FRMPD1: variants seen among roughly 807,000 people sequenced by gnomAD.
The protein encoded by FRMPD1 is FERM and PDZ domain-containing protein 1.
A neutral mutation model predicts 117.8 loss-of-function variants in FRMPD1; 76 were observed. The observed-to-expected ratio is 0.65, with a 90% CI of 0.54 to 0.78. The LOEUF is 0.78. FRMPD1 is among the 30% of genes least tolerant of loss of function. The pLI is 0.00. For missense variants in FRMPD1, 1,786 were observed against 1,964.5 expected (o/e 0.91, Z 1.72); for synonymous variants, 783 against 770.4 (o/e 1.02, Z -0.27).
chr9:37,613,264 C>T, the FRMPD1 span, among the ~76,000 whole-genome samples: 15,560 of 152,148 alleles, frequency 0.1, 919 homozygotes, highest in Middle Eastern at 0.15. Context: ...ATATACTGAG[C>T]ACCTACTATG....
At chr9:37,731,386 C>A (rs1823873714) in intron 9 of FRMPD1, among the ~76,000 whole-genome samples, 1 of 152,040 alleles carries the variant, frequency 6.6e-6, no homozygotes, top group African/African-American at 2.4e-5. Context: ...GTTTTTATTG[C>A]CAAAAGGGGC....
intron 1 of FRMPD1, among the ~76,000 whole-genome samples, chr9:37,680,284 G>A (rs1821681148): frequency 1.3e-5 from 2 of 152,140 alleles, no homozygotes; most frequent in Admixed American, 1.3e-4. Flanking sequence ...CTGAACTAGT[G>A]TTCCCGAAGG....
At chr9:37,691,443 T>A (rs146493819) in intron 1 of FRMPD1, among the ~76,000 whole-genome samples, 5 of 152,230 alleles carry the variant, frequency 3.3e-5, no homozygotes, top group African/African-American at 4.8e-5. Flanking sequence ...TAGTCTATAG[T>A]TCAGTTAATA....
chr9:37,691,933 G>T (rs1822152726), intron 1 of FRMPD1, among the ~76,000 whole-genome samples: 1 of 152,016 alleles, frequency 6.6e-6, no homozygotes, highest in Non-Finnish European at 1.5e-5. Context: ...GAAAAGAAAA[G>T]AAACTCTGGA....
chr9:37,715,617 C>G, intron 5 of FRMPD1: 3 of 456,088 alleles, frequency 6.6e-6, no homozygotes, highest in Non-Finnish European at 8.8e-6. Context: ...CTTAGAAGTT[C>G]TAGAATAATG....
chr9:37,650,401 AAC>A (rs1476866547), upstream of FRMPD1, among the ~76,000 whole-genome samples: 2 of 152,012 alleles, frequency 1.3e-5, no homozygotes, highest in Non-Finnish European at 2.9e-5. Flanking sequence ...AAGCTAGGAG[AAC>A]ACAGTTTCCC....
intron 1 of FRMPD1, among the ~76,000 whole-genome samples, chr9:37,653,528 C>CAATG (rs1229658260): frequency 6.6e-6 from 1 of 152,116 alleles, no homozygotes; most frequent in Non-Finnish European, 1.5e-5. Context: ...CAACAACAGG[C>CAATG]AATGCCCTGT....
intron 1 of FRMPD1, among the ~76,000 whole-genome samples, chr9:37,673,802 G>A (rs1821434815): frequency 1.3e-5 from 2 of 152,242 alleles, no homozygotes; most frequent in Non-Finnish European, 2.9e-5. Context: ...AGCCCAAGCT[G>A]TACATTGGCC....
At chr9:37,658,343 C>T (rs546850298) in intron 1 of FRMPD1, among the ~76,000 whole-genome samples, 2 of 152,280 alleles carry the variant, frequency 1.3e-5, no homozygotes, top group East Asian at 1.9e-4. Context: ...CAGAGAGACC[C>T]GAGTGTCCTG....
the FRMPD1 span, among the ~76,000 whole-genome samples, chr9:37,644,473 T>C: frequency 6.6e-6 from 1 of 152,188 alleles, no homozygotes; most frequent in Non-Finnish European, 1.5e-5. Context: ...AACAGTGTCC[T>C]ATGCCCCATT....
the FRMPD1 span, among the ~76,000 whole-genome samples, chr9:37,632,273 T>A: frequency 6.6e-6 from 1 of 152,342 alleles, no homozygotes; most frequent in South Asian, 2.1e-4. Context: ...TAATATTCTG[T>A]TCAATATGTT....
the FRMPD1 span, among the ~76,000 whole-genome samples, chr9:37,617,982 G>A: frequency 2.6e-5 from 4 of 152,132 alleles, no homozygotes; most frequent in Admixed American, 1.3e-4. Flanking sequence ...AGTGATGTTC[G>A]GATGACTGAG....
At chr9:37,739,978 GT>G in intron 14 of FRMPD1, 99 bp from the exon 15 acceptor site, 1 of 896,784 alleles carries the variant, frequency 1.1e-6, no homozygotes, top group Non-Finnish European at 1.7e-6. Flanking sequence ...CTGGCCCTCA[GT>G]TTTCTCGTCT....
chr9:37,698,977 G>C (rs887838182), intron 2 of FRMPD1, among the ~76,000 whole-genome samples: 6 of 152,034 alleles, frequency 3.9e-5, no homozygotes, highest in African/African-American at 1.5e-4. Flanking sequence ...GACCTCAGGT[G>C]ATCCACCTGC....
chr9:37,692,841 C>T (rs112908976), intron 2 of FRMPD1, 99 bp downstream of exon 2: 35 of 877,306 alleles, frequency 4.0e-5, no homozygotes, highest in African/African-American at 2.6e-4. Context: ...TTGCTGTCTC[C>T]GGCTTGCTTT....
At chr9:37,680,692 G>A (rs991841128) in intron 1 of FRMPD1, among the ~76,000 whole-genome samples, 1 of 152,172 alleles carries the variant, frequency 6.6e-6, no homozygotes, top group Admixed American at 6.5e-5. Context: ...CAGGCAGCCA[G>A]AACTTCTTGA....
intron 1 of FRMPD1, among the ~76,000 whole-genome samples, chr9:37,681,226 A>AAAAG (rs1158574671): frequency 5.9e-5 from 9 of 151,648 alleles, no homozygotes; most frequent in Non-Finnish European, 1.3e-4. Flanking sequence ...AAAAAAAAAA[A>AAAAG]AAAGAAAGAA....
chr9:37,647,961 C>G (rs1378890185), upstream of FRMPD1, among the ~76,000 whole-genome samples: 1 of 152,190 alleles, frequency 6.6e-6, no homozygotes, highest in East Asian at 1.9e-4. Flanking sequence ...GCTGTGGAAT[C>G]TTGGGTAAGC....
chr9:37,670,161 T>C (rs1382684485), intron 1 of FRMPD1: 1 of 152,228 alleles, frequency 6.6e-6, no homozygotes, highest in Non-Finnish European at 1.5e-5. Flanking sequence ...TGTATTATAC[T>C]GGGTTTTCTA....
Sources: allele counts gnomAD v4.1 joint callset (sites outside exome capture counted in the v4.1 genomes callset), GRCh38; gene constraint gnomAD v4.1.1; transcripts MANE v1.5; gene names NCBI Gene and HGNC (gene_info 2026-07-23, HGNC 2026-07-21).